The following ALS2 variants were observed in gnomAD, a reference collection of about 807,000 sequenced individuals.
ALS2 encodes the protein alsin.
In ALS2, 117 loss-of-function variants were observed where a neutral mutation model predicts 203.4. The observed-to-expected ratio is 0.58, with a 90% CI of 0.50 to 0.67. The LOEUF is 0.67. Among genes scored for constraint, ALS2 ranks in the 30% least tolerant of loss-of-function variants. ALS2 has a pLI of 0.00. For missense variants in ALS2, 1,715 were observed against 1,989.4 expected, an observed-to-expected ratio of 0.86 and a Z score of 2.62; for synonymous variants, 718 against 725.9, an observed-to-expected ratio of 0.99 and a Z score of 0.17.
chr2:201,746,187 CTACATGAGGGTG>C (rs1171913274), intron 9 of ALS2, among the ~76,000 whole-genome samples: 2 of 152,090 alleles, frequency 1.3e-5, no homozygotes, highest in East Asian at 3.8e-4. Context: ...TCCAATATTC[CTACATGAGGGTG>C]TTAATTCAAC....
intron 1 of ALS2, among the ~76,000 whole-genome samples, chr2:201,771,524 C>T (rs1694382761): frequency 6.6e-6 from 1 of 152,062 alleles, no homozygotes; most frequent in Admixed American, 6.5e-5. Flanking sequence ...AAAGTTTTAT[C>T]CTCATATACT....
chr2:201,772,148 GCTT>G (rs1694421535), intron 1 of ALS2, among the ~76,000 whole-genome samples: 1 of 152,174 alleles, frequency 6.6e-6, no homozygotes, highest in South Asian at 2.1e-4. Flanking sequence ...AGCAAACCTT[GCTT>G]CTTAATAAAC....
chr2:201,779,256 T>C (rs990521466), intron 1 of ALS2, among the ~76,000 whole-genome samples: 2 of 152,244 alleles, frequency 1.3e-5, no homozygotes, highest in African/African-American at 4.8e-5. Flanking sequence ...ACTCAAGTTT[T>C]GTTTTTTTCC....
chr2:201,744,196 C>T, intron 10 of ALS2, 62 bp downstream of exon 10: 1 of 1,525,826 alleles, frequency 6.6e-7, no homozygotes, highest in Non-Finnish European at 9.1e-7. Flanking sequence ...TTATTTGTGA[C>T]ATAGGAAGAA....
At chr2:201,715,195 T>C (rs1362107835) in intron 25 of ALS2, among the ~76,000 whole-genome samples, 1 of 152,036 alleles carries the variant, frequency 6.6e-6, no homozygotes, top group African/African-American at 2.4e-5. Flanking sequence ...CATGAGAGAA[T>C]AGAGAAAAAA....
At chr2:201,715,610 A>G (rs190243154) in intron 25 of ALS2, 62 bp downstream of exon 25, 249 of 1,587,300 alleles carry the variant, frequency 1.6e-4, no homozygotes, top group Non-Finnish European at 1.5e-4. Flanking sequence ...TTGACTACTT[A>G]CTGGTCTTAA....
Position 201,754,491 on chromosome 2 carries a change from GGTA to G in ALS2, c.1640+9_1640+11del, listed in dbSNP as rs1256908165. The G allele has an allele frequency of 6.2e-7, 1 of 1,613,846 alleles. No homozygotes were observed. The highest frequency in any genetic ancestry group is 8.5e-7 in the Non-Finnish European group (1 of 1,179,912). ...AAGCCAACTTCTATCGGTAAATGTTGGTAGCGCTTACCTAGGCAGAACATCGCC... is the reference window on the plus strand; with the variant it reads ...AAGCCAACTTCTATCGGTAAATGTTGGCGCTTACCTAGGCAGAACATCGCC... On this transcript the variant is annotated intron_variant, in intron 6 of 33. Transcript: ENST00000264276.
chr2:201,740,569 G>C (rs892935610), intron 11 of ALS2, among the ~76,000 whole-genome samples: 2 of 152,094 alleles, frequency 1.3e-5, no homozygotes, highest in Non-Finnish European at 1.5e-5. Flanking sequence ...AAAGAAACTA[G>C]TATCAAGTTC....
rs753871476 is a variant in ALS2 at position 201,715,690 on chromosome 2, C to T, written c.3986G>A (p.Arg1329Gln). The change falls in exon 25 of 34, where the codon CGG becomes CAG. Residue 1329 changes from arginine (R) to glutamine (Q), a missense_variant. Arg to Gln is a conservative substitution (Grantham distance 43, BLOSUM62 1). Transcript: ENST00000264276. ...DNIAVALTTS[R>Q]RQHRDSPEIL... ...CACTCACCTGTCTCTGTGCTGGCGC[C>T]GACTGGTGGTCAAGGCCACAGCAAT... 4.3e-6 allele frequency: 7 copies of T among 1,614,154 alleles called. No homozygotes were observed. Among genetic ancestry groups the T allele is most frequent in the South Asian group, 2.2e-5 (2 of 91,066 alleles).
At chr2:201,713,133 C>CTTTTTTTTTTTT (rs35807671) in intron 25 of ALS2, among the ~76,000 whole-genome samples, 63 of 96,120 alleles carry the variant, frequency 6.6e-4, no homozygotes, top group Non-Finnish European at 9.5e-4. Context: ...CTTTTCTTTT[C>CTTTTTTTTTTTT]TTTTTTTTTT....
intron 4 of ALS2, chr2:201,759,816 C>A: frequency 2.0e-6 from 2 of 985,092 alleles, no homozygotes; most frequent in South Asian, 4.7e-5. Flanking sequence ...AGAAACACTG[C>A]AGGACAGATC....
At chr2:201,706,046 A>G (rs1272115794) in intron 29 of ALS2, among the ~76,000 whole-genome samples, 1 of 152,202 alleles carries the variant, frequency 6.6e-6, no homozygotes, top group Non-Finnish European at 1.5e-5. Context: ...GAAAGAAAAC[A>G]TAATAATTTA....
intron 5 of ALS2, among the ~76,000 whole-genome samples, chr2:201,755,759 G>A (rs1162562848): frequency 6.6e-6 from 1 of 152,130 alleles, no homozygotes; most frequent in Non-Finnish European, 1.5e-5. Flanking sequence ...GTTAAAAAAT[G>A]TTTTAAAAGA....
In ALS2 at chr2:201,724,347, G is replaced by T; in HGVS notation, c.3460C>A (p.Gln1154Lys). Reference protein sequence around the residue: ...TSSSPSMFIGQWVMDKKAGYG... With the variant: ...TSSSPSMFIGKWVMDKKAGYG... Reference sequence around the variant, plus strand: ...CCTGCTTTCTTATCCATTACCCACTGGCCAATGAACATACTAGGAGAAGAG... The same window carrying T: ...CCTGCTTTCTTATCCATTACCCACTTGCCAATGAACATACTAGGAGAAGAG... The change falls in exon 21 of 34, where the codon CAG (glutamine) becomes AAG (lysine). Residue 1154 changes from glutamine to lysine, a missense_variant. Around this residue, in one of 3 missense-constraint regions of ALS2, gnomAD observed 1,227 missense variants for 1,413.5 expected, o/e 0.87. Transcript: ENST00000264276. The T allele has an allele frequency of 1.2e-6, 2 of 1,613,918 alleles. No homozygotes were observed. Among genetic ancestry groups the T allele is most frequent in the Non-Finnish European group, 1.7e-6 (2 of 1,179,870 alleles).
chr2:201,753,085 A>G, intron 7 of ALS2, 61 bp downstream of exon 7: 1 of 1,331,124 alleles, frequency 7.5e-7, no homozygotes, highest in South Asian at 1.2e-5. Flanking sequence ...ATGAGGGTCC[A>G]ACAATGTCAT....
chr2:201,709,770 A>T, intron 27 of ALS2, 111 bp downstream of exon 27: 1 of 1,328,406 alleles, frequency 7.5e-7, no homozygotes, highest in Non-Finnish European at 1.1e-6. Context: ...TTAATCTATT[A>T]AAGGACTGTG....
intron 27 of ALS2, among the ~76,000 whole-genome samples, chr2:201,709,531 TTCATA>T (rs887372258): frequency 5.7e-4 from 87 of 152,268 alleles, no homozygotes; most frequent in Middle Eastern, 3.4e-3. Flanking sequence ...AGGGCAAAAC[TTCATA>T]TTAAACTTTG....
rs767981300 is a variant in ALS2 at position 201,725,462 on chromosome 2, G to A, written c.3249-8C>T. 9 of 1,603,510 alleles carry A rather than the reference G, an allele frequency of 5.6e-6. No homozygotes were observed. The East Asian group carries it at 2.0e-4, about 36-fold the overall frequency. The stretch of plus-strand genomic sequence containing the variant: ...ATTCTGTATTCTCCATACCTGCCAT[G>A]AAAAAGAAAAAATAACAAAAGAAGA... On this transcript the variant is annotated splice_region_variant and splice_polypyrimidine_tract_variant and intron_variant, in intron 19 of 33. Transcript: ENST00000264276.
chr2:201,738,946 T>C (rs1312367402), intron 11 of ALS2, among the ~76,000 whole-genome samples: 2 of 151,834 alleles, frequency 1.3e-5, no homozygotes, highest in Admixed American at 6.6e-5. Flanking sequence ...TTAGTAAAGA[T>C]GGTAATATAA....
Sources: gnomAD v4.1 joint callset for allele counts (sites outside exome capture counted in the v4.1 genomes callset) on GRCh38, gnomAD v4.1.1 for gene constraint, gnomAD v4.1.1 regional missense constraint, MANE v1.5 for transcripts, NCBI Gene and HGNC (gene_info 2026-07-23, HGNC 2026-07-21) for gene names.